Variants in POLR3B observed in about 807,000 individuals in gnomAD.
POLR3B encodes the protein DNA-directed RNA polymerase III subunit RPC2.
Under a neutral mutation model 147.4 loss-of-function variants are expected in POLR3B, and 96 were observed. The observed-to-expected ratio is 0.65, with a 90% CI of 0.55 to 0.77. The LOEUF (loss-of-function observed/expected upper bound fraction) is 0.77. Among genes scored for constraint, POLR3B ranks in the 30% least tolerant of loss-of-function variants. The pLI is 0.00. For missense variants in POLR3B, 1,036 were observed against 1,413.5 expected (o/e 0.73, Z 4.28); for synonymous variants, 461 against 485.9 (o/e 0.95, Z 0.67).
intron 23 of POLR3B, among the ~76,000 whole-genome samples, chr12:106,468,454 G>A (rs1463934592): frequency 1.3e-5 from 2 of 152,014 alleles, no homozygotes; most frequent in African/African-American, 4.8e-5. Context: ...ATCTCCTTCA[G>A]TTCTGCTCTG....
At chr12:106,465,350 A>G (rs1289508808) in intron 23 of POLR3B, among the ~76,000 whole-genome samples, 1 of 152,202 alleles carries the variant, frequency 6.6e-6, no homozygotes, top group Non-Finnish European at 1.5e-5. Flanking sequence ...CTTCTGAATC[A>G]GTTTACAAGA....
At chr12:106,426,124 G>A (rs1310613884) in intron 12 of POLR3B, among the ~76,000 whole-genome samples, 2 of 152,050 alleles carry the variant, frequency 1.3e-5, no homozygotes, top group Non-Finnish European at 2.9e-5. Flanking sequence ...CCTCCTGCCA[G>A]CAGCACTGTC....
At chr12:106,364,066 T>G (rs2036500773) in intron 2 of POLR3B, among the ~76,000 whole-genome samples, 164 bp downstream of exon 2, 1 of 152,170 alleles carries the variant, frequency 6.6e-6, no homozygotes. Flanking sequence ...GCCTGAAAGG[T>G]GCTGGTTTGG....
Position 106,482,772 on chromosome 12 carries a change from C to T in POLR3B, c.2714-13283C>T, listed in dbSNP as rs532701752. Among the ~76,000 whole-genome samples, 3 of 152,268 alleles carry T rather than the reference C, an allele frequency of 2.0e-5. No homozygotes were observed. In the South Asian group the frequency reaches 6.2e-4, roughly 32 times the overall value. Reference sequence around the variant, plus strand: ...TAACCCCAAAGCACCCAGCATAGCACTTTGCATATAATATGGTATCCACTT... The same window carrying T: ...TAACCCCAAAGCACCCAGCATAGCATTTTGCATATAATATGGTATCCACTT... On this transcript the variant is annotated intron_variant, in intron 23 of 27. Transcript: ENST00000228347.
At chr12:106,474,993 G>C (rs1218555077) in intron 23 of POLR3B, among the ~76,000 whole-genome samples, 1 of 128,410 alleles carries the variant, frequency 7.8e-6, no homozygotes, top group African/African-American at 3.6e-5. Flanking sequence ...GCTTTCTCTT[G>C]TGGGCATTTA....
rs1255476816 is a variant in POLR3B, at chr12:106,456,307, C to T, written c.2294-831C>T. 2.0e-5 allele frequency among the ~76,000 whole-genome samples: 3 copies of T among 151,894 alleles called. No individual in the cohort carries two copies. The East Asian group carries it at 5.8e-4, about 29-fold the overall frequency. On this transcript the variant is annotated intron_variant, in intron 20 of 27. Coordinates refer to ENST00000228347, the MANE Select transcript of POLR3B (RefSeq NM_018082.6). ...CCCACCCAAAGGTTTTTCTTCTGTC[C>T]TTTTTGCTTATTTTTCTTCCTTTTC...
intron 12 of POLR3B, among the ~76,000 whole-genome samples, chr12:106,413,283 A>G (rs1375530100): frequency 6.6e-6 from 1 of 152,164 alleles, no homozygotes; most frequent in Non-Finnish European, 1.5e-5. Flanking sequence ...AGGCCTTTAG[A>G]GTGAGAATTT....
chr12:106,416,697 C>G (rs1284056455), intron 12 of POLR3B, among the ~76,000 whole-genome samples: 1 of 152,122 alleles, frequency 6.6e-6, no homozygotes, highest in Admixed American at 6.6e-5. Context: ...TGCCTCCTTC[C>G]CCTTCCCCTG....
chr12:106,489,944 G>A (rs2038386577), intron 23 of POLR3B, among the ~76,000 whole-genome samples: 1 of 152,116 alleles, frequency 6.6e-6, no homozygotes, highest in Non-Finnish European at 1.5e-5. Context: ...ATCATAAGGT[G>A]TATGATGCCA....
chr12:106,489,922 C>T (rs747928046), intron 23 of POLR3B, among the ~76,000 whole-genome samples: 4 of 152,018 alleles, frequency 2.6e-5, no homozygotes, highest in South Asian at 2.1e-4. Context: ...TAGGGCTATC[C>T]GTATGAGCCC....
intron 10 of POLR3B, among the ~76,000 whole-genome samples, chr12:106,399,806 C>T (rs2136924353): frequency 6.6e-6 from 1 of 152,230 alleles, no homozygotes; most frequent in African/African-American, 2.4e-5. Flanking sequence ...CAGGCCTGCC[C>T]TAAAAGAGCT....
chr12:106,372,544 T>C (rs185983889), intron 6 of POLR3B, among the ~76,000 whole-genome samples: 111 of 152,150 alleles, frequency 7.3e-4, no homozygotes, highest in Non-Finnish European at 1.2e-4. Flanking sequence ...TTTCACCACG[T>C]TGGCCAGGCT....
intron 12 of POLR3B, among the ~76,000 whole-genome samples, chr12:106,413,572 C>T (rs3851631): frequency 0.25 from 38,479 of 151,894 alleles, 5,555 homozygotes; most frequent in African/African-American, 0.39. Context: ...TGTCTTATCT[C>T]TCTAGGTACT....
At chr12:106,389,839 T>C (rs1284939191) in intron 9 of POLR3B, among the ~76,000 whole-genome samples, 1 of 152,186 alleles carries the variant, frequency 6.6e-6, no homozygotes. Context: ...GGCTATAGTA[T>C]GCACTGCAGT....
intron 9 of POLR3B, among the ~76,000 whole-genome samples, chr12:106,381,733 CA>C (rs568099440): frequency 2.1e-3 from 317 of 152,294 alleles, no homozygotes; most frequent in African/African-American, 7.5e-3. Context: ...CACAGATATA[CA>C]AACATTCTTT....
intron 19 of POLR3B, among the ~76,000 whole-genome samples, chr12:106,445,258 A>C (rs2137017941): frequency 6.6e-6 from 1 of 152,342 alleles, no homozygotes; most frequent in African/African-American, 2.4e-5. Flanking sequence ...AGGGAGTTCA[A>C]AGTCTAGTAG....
intron 23 of POLR3B, among the ~76,000 whole-genome samples, chr12:106,470,335 C>G (rs1028891543): frequency 2.6e-5 from 4 of 152,032 alleles, no homozygotes; most frequent in African/African-American, 9.7e-5. Context: ...ACTGATTGTT[C>G]TAGTTAGCCA....
intron 1 of POLR3B, 121 bp downstream of exon 1, chr12:106,358,072 G>A: frequency 6.5e-7 from 1 of 1,542,938 alleles, no homozygotes; most frequent in East Asian, 2.4e-5. Context: ...CCGGGCTTCT[G>A]CGCATGCCCA....
Position 106,366,734 on chromosome 12 carries a change from A to G in POLR3B, c.227+12A>G. 6.3e-7 allele frequency: 1 copy of G among 1,593,682 alleles called. No individual in the cohort carries two copies. ...ATGTGGTACTTAAAGTAAGGAACCA[A>G]CATTCTTAATTTGCTATGTGGGTTA... On this transcript the variant is annotated intron_variant, in intron 4 of 27. Transcript: ENST00000228347.
Sources: gnomAD v4.1 joint callset for allele counts (sites outside exome capture counted in the v4.1 genomes callset) on GRCh38, gnomAD v4.1.1 for gene constraint, MANE v1.5 for transcripts, NCBI Gene and HGNC (gene_info 2026-07-23, HGNC 2026-07-21) for gene names.